The following MIR2052HG variants were observed in gnomAD, a reference collection of about 807,000 sequenced individuals.
The protein encoded by MIR2052HG is MIR2052 host gene.
rs1305447367 is a variant in MIR2052HG, at chr8:74,625,565, G to A, written n.216+12625G>A. ...CAAATTTTGAAGTACAAATTTTGAA[G>A]AGCTTGCTTCTGTTTCTATTTTAGA... is the stretch of plus-strand genomic sequence containing the variant. On this transcript the variant is annotated intron_variant and non_coding_transcript_variant, in intron 2 of 6. Transcript: ENST00000523442. Among the ~76,000 whole-genome samples the A allele has an allele frequency of 4.6e-5, 7 of 152,276 alleles. No homozygotes were observed. The South Asian group carries it at 1.5e-3, about 32-fold the overall frequency.
At chr8:74,738,002 G>A (rs1809785685) in intron 4 of MIR2052HG, among the ~76,000 whole-genome samples, 1 of 151,898 alleles carries the variant, frequency 6.6e-6, no homozygotes, top group Admixed American at 6.6e-5. Flanking sequence ...ATGTATGTAT[G>A]TATGTGTTAT....
At chr8:74,662,953 G>A (rs1009886124) in intron 2 of MIR2052HG, among the ~76,000 whole-genome samples, 1 of 151,062 alleles carries the variant, frequency 6.6e-6, no homozygotes, top group Non-Finnish European at 1.5e-5. Context: ...ACTTTTTAAA[G>A]ATGCATGATA....
rs1206020624 is a variant in MIR2052HG, at chr8:74,601,878, TC to T, written n.128+1974del. Among the ~76,000 whole-genome samples, 4 of 152,200 alleles carry T rather than the reference TC, an allele frequency of 2.6e-5. No homozygotes were observed. The South Asian group carries it at 8.3e-4, about 31-fold the overall frequency. The stretch of plus-strand genomic sequence containing the variant: ...TAAGTGAATAAATCTCATTATCTTC[TC>T]CCCTAGAATCATACTTCACTGTCCA... On this transcript the variant is annotated intron_variant and non_coding_transcript_variant, in intron 1 of 6. Transcript: ENST00000523442.
intron 4 of MIR2052HG, among the ~76,000 whole-genome samples, chr8:74,712,674 A>G (rs1477103088): frequency 6.7e-6 from 1 of 149,128 alleles, no homozygotes; most frequent in African/African-American, 2.5e-5. Context: ...TTGGCCTCAG[A>G]TTCAAGACTC....
At chr8:74,673,887 G>GTATATATATATATATATATA (rs61228134) in intron 2 of MIR2052HG, among the ~76,000 whole-genome samples, 27 of 121,654 alleles carry the variant, frequency 2.2e-4, no homozygotes, top group African/African-American at 1.0e-3. Flanking sequence ...GTATTTTTTT[G>GTATATATATATATATATATA]TATATATATA....
intron 2 of MIR2052HG, among the ~76,000 whole-genome samples, chr8:74,648,066 AC>A (rs1808712367): frequency 6.6e-6 from 1 of 152,196 alleles, no homozygotes; most frequent in Non-Finnish European, 1.5e-5. Flanking sequence ...AGGAAAGATA[AC>A]CATAATGTCT....
At chr8:74,661,858 A>G (rs776725540) in intron 2 of MIR2052HG, among the ~76,000 whole-genome samples, 18 of 152,200 alleles carry the variant, frequency 1.2e-4, no homozygotes, top group Non-Finnish European at 2.2e-4. Flanking sequence ...GGGAACTACT[A>G]TCATTCAAAA....
At chr8:74,613,828 T>G (rs1339377704) in intron 2 of MIR2052HG, among the ~76,000 whole-genome samples, 2 of 152,146 alleles carry the variant, frequency 1.3e-5, no homozygotes, top group Non-Finnish European at 2.9e-5. Context: ...GATTTGTTGA[T>G]CTGGTTTTGA....
chr8:74,624,831 C>A (rs1001814586), intron 2 of MIR2052HG, among the ~76,000 whole-genome samples: 1 of 151,934 alleles, frequency 6.6e-6, no homozygotes, highest in African/African-American at 2.4e-5. Flanking sequence ...TTTCTCACTC[C>A]GTCTGTAAAA....
At chr8:74,714,067 CTAT>C (rs1809497096) in intron 4 of MIR2052HG, among the ~76,000 whole-genome samples, 3 of 152,066 alleles carry the variant, frequency 2.0e-5, no homozygotes. Flanking sequence ...ACTAGGGTTT[CTAT>C]CATGTTCTCA....
intron 2 of MIR2052HG, among the ~76,000 whole-genome samples, chr8:74,694,760 G>A (rs541931337): frequency 2.0e-5 from 3 of 152,178 alleles, no homozygotes; most frequent in African/African-American, 7.2e-5. Flanking sequence ...TTGAAGACAA[G>A]TCTTTTGAAT....
At chr8:74,638,689 G>A (rs143292471) in intron 2 of MIR2052HG, among the ~76,000 whole-genome samples, 1 of 152,252 alleles carries the variant, frequency 6.6e-6, no homozygotes, top group African/African-American at 2.4e-5. Flanking sequence ...GAGAAACACT[G>A]TCTCTGAGGG....
At chr8:74,686,347 T>A (rs199811647) in intron 2 of MIR2052HG, among the ~76,000 whole-genome samples, 3 of 152,186 alleles carry the variant, frequency 2.0e-5, no homozygotes, top group South Asian at 2.1e-4. Flanking sequence ...ACTTACAATT[T>A]TTTTGAGTCA....
At chr8:74,741,701 C>T (rs1809833390) in intron 4 of MIR2052HG, among the ~76,000 whole-genome samples, 1 of 152,084 alleles carries the variant, frequency 6.6e-6, no homozygotes. Flanking sequence ...AGGACTCAAG[C>T]CTAAATGAAT....
At chr8:74,701,028 T>C (rs1809351852) in intron 2 of MIR2052HG, among the ~76,000 whole-genome samples, 1 of 152,114 alleles carries the variant, frequency 6.6e-6, no homozygotes, top group South Asian at 2.1e-4. Context: ...AGAAATACAG[T>C]ATAAGAGCAC....
chr8:74,603,507 G>A (rs1808056942), intron 1 of MIR2052HG: 2 of 1,563,972 alleles, frequency 1.3e-6, no homozygotes, highest in Non-Finnish European at 1.8e-6. Context: ...CGTTTGGAAT[G>A]GTAAGTTCAT....
chr8:74,655,168 A>T (rs1342095507), intron 2 of MIR2052HG, among the ~76,000 whole-genome samples: 1 of 152,190 alleles, frequency 6.6e-6, no homozygotes, highest in Non-Finnish European at 1.5e-5. Flanking sequence ...ATTCCATTTT[A>T]AAAGAAAAAC....
intron 5 of MIR2052HG, among the ~76,000 whole-genome samples, chr8:74,754,386 A>C (rs1809978356): frequency 6.6e-6 from 1 of 152,206 alleles, no homozygotes; most frequent in Non-Finnish European, 1.5e-5. Context: ...CAGAAGATCC[A>C]GAGTGTTAGG....
At chr8:74,712,211 T>C (rs779703184) in intron 4 of MIR2052HG, among the ~76,000 whole-genome samples, 1 of 152,102 alleles carries the variant, frequency 6.6e-6, no homozygotes, top group Non-Finnish European at 1.5e-5. Flanking sequence ...TTAAATTAAA[T>C]TTACATGTAA....
Sources: gnomAD v4.1 joint callset for allele counts (sites outside exome capture counted in the v4.1 genomes callset) on GRCh38, gnomAD v4.1.1 for gene constraint, MANE v1.5 for transcripts, NCBI Gene and HGNC (gene_info 2026-07-23, HGNC 2026-07-21) for gene names.